Variants in CNOT7 observed in about 807,000 individuals in gnomAD.
CNOT7 encodes CCR4-NOT transcription complex subunit 7, also known as BTG1-binding factor 1.
In CNOT7, 4 loss-of-function variants were observed where a neutral mutation model predicts 37.1. The observed-to-expected ratio is 0.11, with a 90% CI of 0.05 to 0.25. The LOEUF (loss-of-function observed/expected upper bound fraction) is 0.25. Ranked by LOEUF, CNOT7 falls within the 10% of genes least tolerant of loss-of-function variation. The pLI is 1.00. For synonymous variants in CNOT7, 128 were observed against 115.6 expected (o/e 1.11, Z -0.69); for missense variants, 170 against 336.2 (o/e 0.51, Z 3.87).
At position 17,228,516 on chromosome 8, in the gene CNOT7, A is replaced by C. The variant is rs1808308279; in HGVS notation, c.*2204T>G. The C allele has an allele frequency of 6.6e-6, 1 of 151,922 alleles. No individual in the cohort carries two copies. Among genetic ancestry groups the C allele is most frequent in the South Asian group, 2.1e-4 (1 of 4,830 alleles). The allele number at this position is 151,922 out of a possible 1,614,324, so 9.4% of individuals were successfully genotyped here. A position where few individuals can be genotyped will look rare whatever the true frequency, so the allele number is the denominator to read the frequency against. On this transcript the variant is annotated 3_prime_UTR_variant, in exon 7 of 7. Transcript: ENST00000361272. ...ACAGTCCCCCAATTTACGATGGTTCAAGTTATAAATTTTGACTTTGCAATG... is the reference window on the plus strand; with the variant it reads ...ACAGTCCCCCAATTTACGATGGTTCCAGTTATAAATTTTGACTTTGCAATG...
At chr8:17,238,506 TTTC>T (rs1226309448) in intron 3 of CNOT7, among the ~76,000 whole-genome samples, 5 of 143,782 alleles carry the variant, frequency 3.5e-5, no homozygotes, top group Non-Finnish European at 7.7e-5. Context: ...AATGAAGTAG[TTTC>T]TTTTTTTTTT....
At chr8:17,244,925 A>G in intron 2 of CNOT7, 111 bp downstream of exon 2, 2 of 893,710 alleles carry the variant, frequency 2.2e-6, no homozygotes, top group Non-Finnish European at 3.4e-6. Context: ...TTTACTTTTC[A>G]TGGTGAAATT....
intron 2 of CNOT7, 125 bp downstream of exon 2, chr8:17,244,911 A>C: frequency 1.2e-6 from 1 of 823,624 alleles, no homozygotes; most frequent in Admixed American, 2.4e-5. Context: ...GGGCAGTGAC[A>C]AATTTTACTT....
chr8:17,245,603 T>G (rs563573355), intron 1 of CNOT7, among the ~76,000 whole-genome samples: 26 of 152,350 alleles, frequency 1.7e-4, no homozygotes, highest in Admixed American at 2.6e-4. Context: ...TATTTACATG[T>G]GACAAGATCA....
In CNOT7 at chr8:17,226,262, C is replaced by T. The variant is rs1246802281; in HGVS notation, c.*4458G>A. The T allele has an allele frequency of 6.6e-6, 1 of 150,854 alleles. No individual in the cohort carries two copies. The highest frequency in any genetic ancestry group is 1.5e-5 in the Non-Finnish European group (1 of 67,472). The allele number at this position is 150,854 out of a possible 1,614,324, so 9.3% of individuals were successfully genotyped here. A position where few individuals can be genotyped will look rare whatever the true frequency, so the allele number is the denominator to read the frequency against. On this transcript the variant is annotated 3_prime_UTR_variant, in exon 7 of 7. Coordinates refer to ENST00000361272, the MANE Select transcript of CNOT7 (RefSeq NM_013354.7). ...TTTTTTGGCAGGGGACGGGAGGTAA[C>T]ATTTTGCTCAATTTGGGCTGAAAGT...
rs201194844 is a variant in CNOT7 at position 17,225,974 on chromosome 8, G to A, written c.*4746C>T. On this transcript the variant is annotated 3_prime_UTR_variant, in exon 7 of 7. Coordinates refer to ENST00000361272, the MANE Select transcript of CNOT7 (RefSeq NM_013354.7). ...TGCATTTGGCAATGCAGATGAAATA[G>A]CAAACAGGACAGACATAGACCCTTG... 6.9e-6 allele frequency: 1 copy of A among 143,994 alleles called. No homozygotes were observed. The highest frequency in any genetic ancestry group is 7.0e-5 in the Admixed American group (1 of 14,204). The allele number at this position is 143,994 out of a possible 1,614,324, so 8.9% of individuals were successfully genotyped here.
In CNOT7 at chr8:17,244,922, T is replaced by C. The variant is rs576125934; in HGVS notation, c.117+114A>G. 5.7e-6 allele frequency: 5 copies of C among 884,826 alleles called. No individual in the cohort carries two copies. In the Admixed American group the frequency reaches 1.2e-4, roughly 21 times the overall value. 54.8% of individuals were successfully genotyped at this position (884,826 alleles called of 1,614,324 possible). ...TGGAGGGCAGTGACAAATTTTACTT[T>C]TCATGGTGAAATTAATCCCTAAAAA... is the stretch of plus-strand genomic sequence containing the variant. On this transcript the variant is annotated intron_variant, in intron 2 of 6. Transcript: ENST00000361272.
chr8:17,232,056 G>A (rs924341738), intron 6 of CNOT7: 13 of 1,032,380 alleles, frequency 1.3e-5, no homozygotes, highest in African/African-American at 6.9e-5. Flanking sequence ...TCCTTGCCTT[G>A]TAGGAGGAGC....
At chr8:17,246,516 C>T (rs117749248) in intron 1 of CNOT7, 159 bp downstream of exon 1, 5,420 of 153,602 alleles carry the variant, frequency 0.035, 156 homozygotes, top group Non-Finnish European at 0.05. Flanking sequence ...CCCCCAGCCC[C>T]AGTTACCCAG....
At position 17,245,087 on chromosome 8, in the gene CNOT7, T is replaced by G; in HGVS notation, c.66A>C (p.Glu22Asp). ...TAACTTGACGAATTTTCTTCATCTC[T>G]TCATCCAAGTTGCAAGCCCAAACTT... ...ICEVWACNLD[E>D]EMKKIRQVIR... The change falls in exon 2 of 7, where the codon GAA becomes GAC. Residue 22 changes from glutamate (E) to aspartate (D), a missense_variant. Physicochemically the swap from Glu to Asp is conservative, Grantham distance 45 (BLOSUM62 2). Coordinates refer to ENST00000361272, the MANE Select transcript of CNOT7 (RefSeq NM_013354.7). The G allele has an allele frequency of 6.2e-7, 1 of 1,613,772 alleles. No individual in the cohort carries two copies.
In CNOT7 at chr8:17,230,737, C is replaced by T. The variant is rs1808501579; in HGVS notation, c.841G>A (p.Ala281Thr). The T allele has an allele frequency of 1.2e-6, 2 of 1,600,390 alleles. No individual in the cohort carries two copies. Residue 281 changes from alanine (A) to threonine (T), a missense_variant, in exon 7 of 7, where the codon GCC (alanine) becomes ACC (threonine). Transcript: ENST00000361272. The stretch of plus-strand genomic sequence containing the variant: ...ATTTCATGTCATGACTGCTTGTTGG[C>T]TTCCTCTTCATATGCATTCCCTGTG... The part of the protein sequence containing the change: ...NGTGNAYEEE[A>T]NKQS
rs1261861276 is a variant in CNOT7 at position 17,226,111 on chromosome 8, C to T, written c.*4609G>A. ...TTGCAAGCTAAGACAAAATGAAGGA[C>T]ATTATTTAGGTACTCAAGGAAACTT... On this transcript the variant is annotated 3_prime_UTR_variant, in exon 7 of 7. Coordinates refer to ENST00000361272, the MANE Select transcript of CNOT7 (RefSeq NM_013354.7). 8.1e-6 allele frequency: 1 copy of T among 123,144 alleles called. No homozygotes were observed. The highest frequency in any genetic ancestry group is 2.6e-4 in the South Asian group (1 of 3,822). The allele number at this position is 123,144 out of a possible 1,614,324, so 7.6% of individuals were successfully genotyped here. A position where few individuals can be genotyped will look rare whatever the true frequency, so the allele number is the denominator to read the frequency against.
rs1033957769 is a variant in CNOT7, at chr8:17,226,861, T to TA, written c.*3858dup. The TA allele has an allele frequency of 7.9e-5, 12 of 151,872 alleles. No individual in the cohort carries two copies. Among genetic ancestry groups the TA allele is most frequent in the African/African-American group, 1.9e-4 (8 of 41,492 alleles). 9.4% of individuals were successfully genotyped at this position (151,872 alleles called of 1,614,324 possible). ...GTTAATTTCCAAAGTTACTCAGTGT[T>TA]AAAAAACAGTGGTTGAGGATGGTTT... On this transcript the variant is annotated 3_prime_UTR_variant, in exon 7 of 7. Transcript: ENST00000361272.
At chr8:17,243,772 T>G (rs188267431) in intron 2 of CNOT7, 1 of 391,444 alleles carries the variant, frequency 2.6e-6, no homozygotes, top group African/African-American at 2.1e-5. Flanking sequence ...CTTTATCATC[T>G]GAGAAATCAA....
At chr8:17,237,847 C>G (rs746258161) in intron 3 of CNOT7, among the ~76,000 whole-genome samples, 2 of 152,216 alleles carry the variant, frequency 1.3e-5, no homozygotes, top group African/African-American at 4.8e-5. Flanking sequence ...TGGAAAATGT[C>G]TCATGCGGAT....
At chr8:17,237,884 A>G (rs1809595705) in intron 3 of CNOT7, among the ~76,000 whole-genome samples, 1 of 151,950 alleles carries the variant, frequency 6.6e-6, no homozygotes. Context: ...CATCTTAAAG[A>G]AGGAGATGCC....
chr8:17,238,350 T>A lies in CNOT7; in HGVS notation c.312-977A>T, dbSNP rs187961070. ...CTTGGGCCAAAAAGTATCGTTATGG[T>A]TAGTCCTTTAGAAATCAATTTATTT... On this transcript the variant is annotated intron_variant, in intron 3 of 6. Coordinates refer to ENST00000361272, the MANE Select transcript of CNOT7 (RefSeq NM_013354.7). Among the ~76,000 whole-genome samples, 16 of 137,320 alleles carry A rather than the reference T, an allele frequency of 1.2e-4. 1 individual carries two copies. Among genetic ancestry groups the A allele is most frequent in the African/African-American group, 3.6e-4 (12 of 33,642 alleles). 90.1% of individuals were successfully genotyped at this position (137,320 alleles called of 152,430 possible). A position where few individuals can be genotyped will look rare whatever the true frequency, so the allele number is the denominator to read the frequency against.
At chr8:17,240,352 ATT>A (rs111442538) in intron 3 of CNOT7, among the ~76,000 whole-genome samples, 3 of 146,570 alleles carry the variant, frequency 2.0e-5, no homozygotes, top group Non-Finnish European at 4.5e-5. Context: ...ACATTTTGAG[ATT>A]TTTTTTTTTT....
chr8:17,242,768 A>C, intron 3 of CNOT7: 1 of 357,440 alleles, frequency 2.8e-6, no homozygotes. Flanking sequence ...CAAATACAAA[A>C]AAAGCTGCAG....
Sources: gnomAD v4.1 joint callset for allele counts (sites outside exome capture counted in the v4.1 genomes callset) on GRCh38, gnomAD v4.1.1 for gene constraint, MANE v1.5 for transcripts, NCBI Gene and HGNC (gene_info 2026-07-23, HGNC 2026-07-21) for gene names.